Variants in SND1 observed in about 807,000 individuals in gnomAD.
SND1 encodes staphylococcal nuclease domain-containing protein 1.
SND1 carries 38 observed loss-of-function variants against 121.7 expected under a neutral mutation model. The ratio of observed to expected loss-of-function variants is 0.31; its 90% CI spans 0.24 to 0.41. SND1 has a LOEUF of 0.41. SND1 is among the 10% of genes least tolerant of loss of function. The pLI is 1.00. For synonymous variants in SND1, 401 were observed against 447.4 expected, an observed-to-expected ratio of 0.90 and a Z score of 1.31; for missense variants, 868 against 1,184.6, an observed-to-expected ratio of 0.73 and a Z score of 3.92.
chr7:127,787,036 T>G (rs551255670), intron 10 of SND1, among the ~76,000 whole-genome samples: 1 of 152,340 alleles, frequency 6.6e-6, no homozygotes, highest in East Asian at 1.9e-4. Flanking sequence ...TAACCCATTT[T>G]TTAGTGGCTC....
chr7:127,667,643 G>A (rs1795443356), intron 1 of SND1, among the ~76,000 whole-genome samples: 1 of 152,140 alleles, frequency 6.6e-6, no homozygotes, highest in Non-Finnish European at 1.5e-5. Context: ...TAAAGGAAGG[G>A]GTTGCTGGAC....
intron 15 of SND1, among the ~76,000 whole-genome samples, chr7:127,944,057 A>G (rs984484793): frequency 1.3e-5 from 2 of 152,198 alleles, no homozygotes; most frequent in African/African-American, 4.8e-5. Flanking sequence ...CTCCTGACGG[A>G]AACCTTGAAT....
intron 10 of SND1, among the ~76,000 whole-genome samples, chr7:127,763,145 A>G (rs1797335565): frequency 1.3e-5 from 2 of 152,234 alleles, no homozygotes; most frequent in African/African-American, 2.4e-5. Context: ...TAATGCTGTC[A>G]TTCTAATCTG....
chr7:127,813,357 G>GTTGCC (rs1421239244), intron 11 of SND1, among the ~76,000 whole-genome samples: 1 of 152,148 alleles, frequency 6.6e-6, no homozygotes, highest in Non-Finnish European at 1.5e-5. Flanking sequence ...AATGACTGGA[G>GTTGCC]TTGCCTGTTT....
At chr7:127,676,897 G>A (rs1472178996) in intron 1 of SND1, among the ~76,000 whole-genome samples, 2 of 152,166 alleles carry the variant, frequency 1.3e-5, no homozygotes, top group Admixed American at 6.5e-5. Context: ...ACCTACCACC[G>A]TGTCCAGCTA....
chr7:127,665,988 T>C (rs1028514601), intron 1 of SND1, among the ~76,000 whole-genome samples: 1 of 152,184 alleles, frequency 6.6e-6, no homozygotes. Flanking sequence ...TGATCTATTA[T>C]TGTGTGTGGT....
intron 15 of SND1, among the ~76,000 whole-genome samples, chr7:127,969,148 G>C (rs1251119303): frequency 6.6e-6 from 1 of 152,110 alleles, no homozygotes; most frequent in African/African-American, 2.4e-5. Flanking sequence ...AATAGTTGGT[G>C]GTGGGTAGGT....
chr7:127,692,045 A>G (rs997552424), intron 2 of SND1, among the ~76,000 whole-genome samples: 3 of 152,196 alleles, frequency 2.0e-5, no homozygotes, highest in African/African-American at 7.2e-5. Context: ...ACGGCAGAGC[A>G]GGATTATCAG....
At chr7:127,749,943 C>A (rs1797055914) in intron 10 of SND1, among the ~76,000 whole-genome samples, 1 of 152,080 alleles carries the variant, frequency 6.6e-6, no homozygotes, top group Non-Finnish European at 1.5e-5. Context: ...CGCATTTCCA[C>A]ACACATAGAC....
chr7:127,764,314 A>T (rs1191336975), intron 10 of SND1, among the ~76,000 whole-genome samples: 2 of 152,170 alleles, frequency 1.3e-5, no homozygotes, highest in Non-Finnish European at 2.9e-5. Context: ...CCCACACATT[A>T]TGTGTACTTC....
At chr7:128,064,847 G>T (rs905098101) in intron 16 of SND1, among the ~76,000 whole-genome samples, 1 of 152,174 alleles carries the variant, frequency 6.6e-6, no homozygotes, top group African/African-American at 2.4e-5. Context: ...GTTTCCAAAA[G>T]GAAAGGGGGT....
chr7:128,083,539 T>C (rs1241369331), intron 18 of SND1, among the ~76,000 whole-genome samples: 4 of 152,246 alleles, frequency 2.6e-5, no homozygotes, highest in African/African-American at 9.6e-5. Flanking sequence ...TCAATGCAGC[T>C]GAATTATTAA....
At chr7:128,023,344 C>T (rs1256214321) in intron 16 of SND1, among the ~76,000 whole-genome samples, 2 of 152,300 alleles carry the variant, frequency 1.3e-5, no homozygotes, top group South Asian at 4.1e-4. Context: ...GGGAGGATTT[C>T]ATCACTGACC....
intron 1 of SND1, among the ~76,000 whole-genome samples, chr7:127,661,747 G>A (rs1213148625): frequency 6.6e-6 from 1 of 152,076 alleles, no homozygotes; most frequent in Non-Finnish European, 1.5e-5. Context: ...TCCAGTGTTA[G>A]TAATTGAATA....
chr7:128,018,277 T>C (rs181086929), intron 16 of SND1, among the ~76,000 whole-genome samples: 49 of 152,354 alleles, frequency 3.2e-4, no homozygotes, highest in Admixed American at 8.5e-4. Context: ...GGTTGGATTA[T>C]TGTTGACTCT....
At chr7:127,711,447 T>A (rs1279839756) in intron 9 of SND1, among the ~76,000 whole-genome samples, 1 of 152,150 alleles carries the variant, frequency 6.6e-6, no homozygotes, top group South Asian at 2.1e-4. Flanking sequence ...TATCAGAAAC[T>A]TTTTTGATTT....
intron 1 of SND1, among the ~76,000 whole-genome samples, chr7:127,677,003 A>C (rs1327590751): frequency 1.3e-5 from 2 of 152,192 alleles, no homozygotes; most frequent in Non-Finnish European, 2.9e-5. Flanking sequence ...TGGCCTCCCA[A>C]AGTGTTGGGA....
In SND1 at chr7:128,081,481, A is replaced by G; in HGVS notation, c.2090A>G (p.Tyr697Cys). ...GAGATCACTGATGACCTGCACTTCTACGTGCAGGATGTGGAGACCGGTGAG... is the reference window on the plus strand; with the variant it reads ...GAGATCACTGATGACCTGCACTTCTGCGTGCAGGATGTGGAGACCGGTGAG... Reference protein sequence around the residue: ...VTEITDDLHFYVQDVETGTQL... With the variant: ...VTEITDDLHFCVQDVETGTQL... Residue 697 changes from tyrosine to cysteine, a missense_variant, in exon 18 of 24, where the codon TAC (tyrosine) becomes TGC (cysteine). This residue lies in a region of SND1 where 743 missense variants were observed against 1,071.3 expected (regional missense o/e 0.69). Coordinates refer to ENST00000354725, the MANE Select transcript of SND1 (RefSeq NM_014390.4). The G allele has an allele frequency of 6.2e-7, 1 of 1,614,046 alleles. No individual in the cohort carries two copies. The highest frequency in any genetic ancestry group is 8.5e-7 in the Non-Finnish European group (1 of 1,179,992).
chr7:127,854,227 C>T (rs759421433), intron 12 of SND1, among the ~76,000 whole-genome samples: 4 of 152,128 alleles, frequency 2.6e-5, no homozygotes, highest in East Asian at 1.9e-4. Context: ...CAGGTTCAAG[C>T]GATTCTCTTG....
Sources: gnomAD v4.1 joint callset for allele counts (sites outside exome capture counted in the v4.1 genomes callset) on GRCh38, gnomAD v4.1.1 for gene constraint, gnomAD v4.1.1 regional missense constraint, MANE v1.5 for transcripts, NCBI Gene and HGNC (gene_info 2026-07-23, HGNC 2026-07-21) for gene names.